Variants in ZNF550 observed in about 807,000 individuals in gnomAD.
ZNF550 encodes the protein zinc finger protein 550.
In ZNF550, 42 loss-of-function variants were observed where a neutral mutation model predicts 40.2. The ratio of observed to expected loss-of-function variants is 1.05; its 90% CI spans 0.82 to 1.35. ZNF550 has a LOEUF of 1.35. ZNF550 is among the 40% of genes most tolerant of loss of function. The probability of loss-of-function intolerance (pLI) is 0.00; values close to 1 mark genes in which losing one functional copy is unlikely to be tolerated. For missense variants in ZNF550, 549 were observed against 525.2 expected (o/e 1.05, Z -0.44); for synonymous variants, 223 against 198.6 (o/e 1.12, Z -1.03).
At chr19:57,547,604 T>C in exon 4 of ZNF550, 1 of 1,614,190 alleles carries the variant, frequency 6.2e-7, no homozygotes, top group Non-Finnish European at 8.5e-7. Context: ...TACCACTTCC[T>C]GTTAAAACCT....
In ZNF550 at chr19:57,556,365, G is replaced by C. The variant is rs373971585; in HGVS notation, c.28-8C>G. On this transcript the variant is annotated splice_polypyrimidine_tract_variant and splice_region_variant and intron_variant, in intron 1 of 4. Coordinates refer to ENST00000457177, the Ensembl canonical transcript of ZNF550. ...CTTGAAGGTCACCAACATCTGGAAAGTCAAACAGAAGTAATGCTATTGGCC... is the reference window on the plus strand; with the variant it reads ...CTTGAAGGTCACCAACATCTGGAAACTCAAACAGAAGTAATGCTATTGGCC... 3 of 1,611,408 alleles carry C rather than the reference G, an allele frequency of 1.9e-6. No individual in the cohort carries two copies. The highest frequency in any genetic ancestry group is 2.5e-6 in the Non-Finnish European group (3 of 1,178,870).
intron 4 of ZNF550, chr19:57,544,505 CAGAG>C: frequency 1.0e-6 from 1 of 985,358 alleles, no homozygotes; most frequent in South Asian, 4.7e-5. Flanking sequence ...TGCAGCCTTC[CAGAG>C]AGAGGATGCA....
At chr19:57,544,327 G>A (rs1052194853) in intron 4 of ZNF550, 1 of 985,286 alleles carries the variant, frequency 1.0e-6, no homozygotes, top group African/African-American at 1.7e-5. Context: ...AAAAACCTAG[G>A]GTGTCCTTTA....
chr19:57,548,071 G>A, intron 3 of ZNF550, 78 bp from the exon 4 acceptor site: 1 of 1,319,782 alleles, frequency 7.6e-7, no homozygotes, highest in South Asian at 1.4e-5. Context: ...ACTTCAGTAG[G>A]AAAATGAAGA....
rs770802347 is a variant in ZNF550, at chr19:57,552,503, CAG to C, written c.250+122_250+123del. 1.1e-5 allele frequency: 8 copies of C among 712,384 alleles called. No individual in the cohort carries two copies. The South Asian group carries it at 1.3e-4, about 12-fold the overall frequency. The allele number at this position is 712,384 out of a possible 1,614,324, so 44.1% of individuals were successfully genotyped here. A position where few individuals can be genotyped will look rare whatever the true frequency, so the allele number is the denominator to read the frequency against. ...ATGGACACTATGACCCAAAGTGAGTCAGAAACAACCAGGCCCCCGGAAAGCCA... is the reference window on the plus strand; with the variant it reads ...ATGGACACTATGACCCAAAGTGAGTCAAACAACCAGGCCCCCGGAAAGCCA... On this transcript the variant is annotated intron_variant, in intron 3 of 4. Transcript: ENST00000457177.
At chr19:57,556,632 C>A in intron 1 of ZNF550, 1 of 324,476 alleles carries the variant, frequency 3.1e-6, no homozygotes, top group East Asian at 7.2e-5. Flanking sequence ...AGAGTAAGTA[C>A]TCTGGCATAT....
chr19:57,559,473 G>C (rs2090150991), intron 1 of ZNF550, among the ~76,000 whole-genome samples, 183 bp downstream of exon 1: 1 of 152,142 alleles, frequency 6.6e-6, no homozygotes, highest in African/African-American at 2.4e-5. Flanking sequence ...CCAGAAACGG[G>C]GACGCTCCCC....
At chr19:57,546,256 A>G (rs1223657428) in intron 4 of ZNF550, among the ~76,000 whole-genome samples, 1 of 152,136 alleles carries the variant, frequency 6.6e-6, no homozygotes, top group Non-Finnish European at 1.5e-5. Context: ...ATATCCTCCC[A>G]GAGATGTCTG....
At chr19:57,543,482 C>T in intron 4 of ZNF550, 1 of 431,152 alleles carries the variant, frequency 2.3e-6, no homozygotes, top group African/African-American at 2.1e-5. Context: ...TCCACATTTC[C>T]TCTGTGACAT....
intron 1 of ZNF550, among the ~76,000 whole-genome samples, 183 bp downstream of exon 1, chr19:57,559,473 G>T (rs2090150991): frequency 6.6e-6 from 1 of 152,142 alleles, no homozygotes; most frequent in Admixed American, 6.5e-5. Context: ...CCAGAAACGG[G>T]GACGCTCCCC....
intron 4 of ZNF550, chr19:57,543,504 A>C: frequency 1.8e-6 from 1 of 561,362 alleles, no homozygotes; most frequent in Non-Finnish European, 2.3e-6. Context: ...TACTGATTGA[A>C]GTGCACCAAC....
At chr19:57,559,273 G>A (rs2188923) in intron 1 of ZNF550, among the ~76,000 whole-genome samples, 150,606 of 152,216 alleles carry the variant, frequency 0.99, 74,520 homozygotes, top group Middle Eastern at 1. Context: ...CCGGGGGGGG[G>A]AAGAGTAAAT....
At position 57,547,909 on chromosome 19, in the gene ZNF550, G is replaced by T. The variant is rs922303467; in HGVS notation, c.335C>A (p.Thr112Asn). ...ATCACTTGAGGTTGAAGATTCCAGA[G>T]TCAGGCTTCCCCGGAGAAAGGCCCG... The change falls in exon 4 of 5, where the codon ACT becomes AAT. Residue 112 changes from threonine (T) to asparagine (N), a missense_variant. Thr to Asn is a moderately conservative substitution (Grantham distance 65). Coordinates refer to ENST00000457177, the Ensembl canonical transcript of ZNF550. The T allele has an allele frequency of 8.7e-6, 14 of 1,614,006 alleles. No homozygotes were observed. The Admixed American group carries it at 1.7e-4, about 19-fold the overall frequency.
chr19:57,551,402 A>G (rs2090071535), intron 3 of ZNF550, among the ~76,000 whole-genome samples: 1 of 152,092 alleles, frequency 6.6e-6, no homozygotes, highest in Non-Finnish European at 1.5e-5. Flanking sequence ...TGGCCCAGGC[A>G]GAAGATTATG....
intron 4 of ZNF550, chr19:57,544,541 G>A (rs1029968702): frequency 2.0e-6 from 2 of 985,250 alleles, no homozygotes; most frequent in African/African-American, 3.5e-5. Flanking sequence ...GTCCTCAAGA[G>A]TCAACTCTCC....
chr19:57,551,562 G>A (rs1274669050), intron 3 of ZNF550, among the ~76,000 whole-genome samples: 1 of 152,192 alleles, frequency 6.6e-6, no homozygotes, highest in African/African-American at 2.4e-5. Context: ...GCTATGTGGT[G>A]TGTTTCCAGC....
At position 57,545,874 on chromosome 19, in the gene ZNF550, G is replaced by A. The variant is rs570173967; in HGVS notation, c.*518+583C>T. Among the ~76,000 whole-genome samples, 216 of 152,206 alleles carry A rather than the reference G, an allele frequency of 1.4e-3. 1 individual carries two copies. The highest frequency in any genetic ancestry group is 4.3e-3 in the African/African-American group (179 of 41,520). On this transcript the variant is annotated intron_variant, in intron 4 of 4. Coordinates refer to ENST00000457177, the Ensembl canonical transcript of ZNF550. ...CTAAAATTACAAACATTAGCCAGGC[G>A]TAGTGGTGTATGCCTGTATCCCAAG...
chr19:57,548,974 T>C (rs1354919255), intron 3 of ZNF550, among the ~76,000 whole-genome samples: 1 of 151,742 alleles, frequency 6.6e-6, no homozygotes, highest in Non-Finnish European at 1.5e-5. Flanking sequence ...GGAGAGAGAG[T>C]AGTAAGATGG....
chr19:57,546,555 C>CAG (rs10668256), exon 4 of ZNF550: 32,937 of 994,504 alleles, frequency 0.033, 676 homozygotes, highest in African/African-American at 0.087. Context: ...AACCTGGTCA[C>CAG]AAAGTTTTCT....
Sources: gnomAD v4.1 joint callset for allele counts (sites outside exome capture counted in the v4.1 genomes callset) on GRCh38, gnomAD v4.1.1 for gene constraint, MANE v1.5 for transcripts, NCBI Gene and HGNC (gene_info 2026-07-23, HGNC 2026-07-21) for gene names.